The following FYB2 variants were observed in gnomAD, a reference collection of about 807,000 sequenced individuals.
FYB2 encodes the protein FYN binding protein 2, also known as FYN-binding protein 2.
FYB2 carries 103 observed loss-of-function variants against 94.1 expected under a neutral mutation model. That is an observed-to-expected ratio of 1.09 (90% CI 0.93 to 1.29). FYB2 has a LOEUF of 1.29. Among genes scored for constraint, FYB2 ranks in the 50% most tolerant of loss-of-function variants. The pLI, the probability that FYB2 is intolerant of heterozygous loss-of-function variation, is 0.00. For missense variants in FYB2, 896 were observed against 841.5 expected (o/e 1.06, Z -0.80); for synonymous variants, 293 against 287.9 (o/e 1.02, Z -0.18).
intron 3 of FYB2, 71 bp downstream of exon 3, chr1:56,788,902 A>G (rs1570156190): frequency 5.1e-6 from 8 of 1,573,766 alleles, no homozygotes; most frequent in Non-Finnish European, 6.1e-6. Context: ...CGGCATCGTC[A>G]CCTGGGAGAG....
intron 4 of FYB2, among the ~76,000 whole-genome samples, chr1:56,775,825 A>G (rs568371316): frequency 6.6e-6 from 1 of 152,332 alleles, no homozygotes; most frequent in South Asian, 2.1e-4. Context: ...TTAGCTAGAG[A>G]CATAATGAGA....
intron 1 of FYB2, among the ~76,000 whole-genome samples, chr1:56,806,453 T>C (rs1053541655): frequency 6.6e-6 from 1 of 151,648 alleles, no homozygotes; most frequent in Non-Finnish European, 1.5e-5. Context: ...GAGTGGGGAG[T>C]GTGGCTGAAA....
chr1:56,819,348 G>A lies in FYB2; in HGVS notation c.-58C>T, dbSNP rs1646959959. 1.9e-6 allele frequency: 3 copies of A among 1,610,120 alleles called. No homozygotes were observed. Among genetic ancestry groups the A allele is most frequent in the East Asian group, 2.2e-5 (1 of 44,872 alleles). The stretch of plus-strand genomic sequence containing the variant: ...GCCCAGCCTCTCAGAGCTGGGTCCT[G>A]GGGCCAACAATCCGCTTTCCTCTGT... On this transcript the variant is annotated 5_prime_UTR_variant, in exon 1 of 20. Coordinates refer to ENST00000343433, the MANE Select transcript of FYB2 (RefSeq NM_001004303.5).
intron 5 of FYB2, among the ~76,000 whole-genome samples, chr1:56,759,002 T>C (rs572444133): frequency 6.6e-6 from 1 of 152,190 alleles, no homozygotes; most frequent in Non-Finnish European, 1.5e-5. Flanking sequence ...GTTTCCTGTT[T>C]TGGCAAACAG....
chr1:56,791,267 T>A (rs1330939216), intron 2 of FYB2, among the ~76,000 whole-genome samples: 1 of 151,910 alleles, frequency 6.6e-6, no homozygotes, highest in East Asian at 1.9e-4. Flanking sequence ...TATCTTTTTT[T>A]TTTTTTTAGA....
intron 4 of FYB2, among the ~76,000 whole-genome samples, chr1:56,781,007 C>T (rs1315870480): frequency 1.3e-5 from 2 of 152,202 alleles, no homozygotes; most frequent in South Asian, 2.1e-4. Context: ...CCTGCTTTCA[C>T]CTCTTGAATA....
At chr1:56,728,076 C>T (rs1299743232) in intron 15 of FYB2, among the ~76,000 whole-genome samples, 2 of 152,116 alleles carry the variant, frequency 1.3e-5, no homozygotes, top group African/African-American at 4.8e-5. Flanking sequence ...TCAGGGTTCT[C>T]TTCCATCTTA....
At chr1:56,793,931 G>T (rs1646334957) in intron 1 of FYB2, among the ~76,000 whole-genome samples, 1 of 152,064 alleles carries the variant, frequency 6.6e-6, no homozygotes, top group African/African-American at 2.4e-5. Flanking sequence ...TTATCCTCTA[G>T]GGAAATACTC....
In FYB2 at chr1:56,753,905, T is replaced by G. The variant is rs1645261767; in HGVS notation, c.1161A>C (p.Glu387Asp). ...TAGGTTTCAATTCACATGGTTGTTT[T>G]TCCTTCATTTTTTTATCTTCATGTT... ...SAKHEDKKMK[E>D]KQPCELKPKN... is the part of the protein sequence containing the mutation. Residue 387 changes from glutamate (E) to aspartate (D), a missense_variant, in exon 8 of 20, where the codon GAA becomes GAC. Glu to Asp is a conservative substitution (Grantham distance 45). Coordinates refer to ENST00000343433, the MANE Select transcript of FYB2 (RefSeq NM_001004303.5). The G allele has an allele frequency of 6.2e-7, 1 of 1,610,840 alleles. No homozygotes were observed. The highest frequency in any genetic ancestry group is 1.3e-5 in the African/African-American group (1 of 74,852).
In FYB2 at chr1:56,726,521, TTC is replaced by T; in HGVS notation, c.1854_1855del (p.Asn620ArgfsTer3). 1 of 1,612,302 alleles carries T rather than the reference TTC, an allele frequency of 6.2e-7. No individual in the cohort carries two copies. The highest frequency in any genetic ancestry group is 8.5e-7 in the Non-Finnish European group (1 of 1,178,968). Reference sequence around the variant, plus strand: ...CCTTTCTGATTCTTCAGCACCGTTTTTCTCTTTTTTTTCCTTTGGTGTCAGAA... The same window carrying T: ...CCTTTCTGATTCTTCAGCACCGTTTTTCTTTTTTTTCCTTTGGTGTCAGAA... On this transcript the variant is annotated frameshift_variant, in exon 16 of 20. Transcript: ENST00000343433. LOFTEE classifies it high-confidence loss of function.
intron 7 of FYB2, among the ~76,000 whole-genome samples, chr1:56,754,173 C>T (rs79410914): frequency 0.021 from 3,228 of 152,064 alleles, 122 homozygotes; most frequent in African/African-American, 0.074. Flanking sequence ...CTCCCTATTG[C>T]CTATAGGATA....
chr1:56,751,022 A>G (rs763601065), intron 9 of FYB2, 22 bp downstream of exon 9: 12 of 1,603,298 alleles, frequency 7.5e-6, no homozygotes, highest in Non-Finnish European at 6.8e-6. Flanking sequence ...GATGAAGAAG[A>G]TCAGAAAGAA....
intron 4 of FYB2, among the ~76,000 whole-genome samples, chr1:56,772,163 T>A (rs989215918): frequency 2.0e-5 from 3 of 152,182 alleles, no homozygotes; most frequent in African/African-American, 7.2e-5. Context: ...GGCCTAACAA[T>A]CTCATTTGGT....
At chr1:56,742,075 G>A (rs980568477) in intron 12 of FYB2, 86 bp downstream of exon 12, 145 of 1,166,598 alleles carry the variant, frequency 1.2e-4, no homozygotes, top group African/African-American at 3.2e-4. Context: ...GCTGGGGGGC[G>A]GATGGTGGGT....
intron 1 of FYB2, among the ~76,000 whole-genome samples, chr1:56,809,834 C>T (rs777609342): frequency 6.6e-6 from 1 of 152,198 alleles, no homozygotes; most frequent in Non-Finnish European, 1.5e-5. Context: ...AATTCTGACT[C>T]TTTCACCTTT....
intron 1 of FYB2, 83 bp downstream of exon 1, chr1:56,819,199 T>C: frequency 6.3e-7 from 1 of 1,597,754 alleles, no homozygotes; most frequent in Non-Finnish European, 8.6e-7. Flanking sequence ...AAGCAGTTTT[T>C]CCCCAGGGCT....
intron 1 of FYB2, among the ~76,000 whole-genome samples, chr1:56,810,375 G>A (rs1646739975): frequency 1.3e-5 from 2 of 149,306 alleles, no homozygotes; most frequent in South Asian, 2.2e-4. Context: ...ACTACCCTAT[G>A]AAGTACCCTC....
chr1:56,738,607 T>C lies in FYB2; in HGVS notation c.1732+18A>G. On this transcript the variant is annotated intron_variant, in intron 14 of 19. Transcript: ENST00000343433. ...AAAGCTGAGTACTTTTGGTCTGCAA[T>C]AAGCAAATGGCACTTACCTAAATCA... The C allele has an allele frequency of 6.2e-7, 1 of 1,606,710 alleles. No individual in the cohort carries two copies. The highest frequency in any genetic ancestry group is 1.7e-5 in the Admixed American group (1 of 59,498).
chr1:56,763,102 G>A (rs1216303176), intron 5 of FYB2, among the ~76,000 whole-genome samples: 3 of 152,092 alleles, frequency 2.0e-5, no homozygotes, highest in Non-Finnish European at 2.9e-5. Flanking sequence ...ACCAAATGAA[G>A]AATAAATCAC....
Sources: allele counts gnomAD v4.1 joint callset (sites outside exome capture counted in the v4.1 genomes callset), GRCh38; gene constraint gnomAD v4.1.1; transcripts MANE v1.5; gene names NCBI Gene and HGNC (gene_info 2026-07-23, HGNC 2026-07-21).